Variants in VAV3 observed in about 807,000 individuals in gnomAD.
VAV3 encodes the protein guanine nucleotide exchange factor VAV3.
In VAV3, 94 loss-of-function variants were observed where a neutral mutation model predicts 131.2. That is an observed-to-expected ratio of 0.72 (90% CI 0.61 to 0.85). VAV3 has a LOEUF of 0.85. VAV3 is among the 40% of genes least tolerant of loss of function. The pLI is 0.00. For synonymous variants in VAV3, 349 were observed against 342.0 expected (o/e 1.02, Z -0.22); for missense variants, 939 against 1,002.7 (o/e 0.94, Z 0.86).
At chr1:107,896,333 C>A (rs142284611) in intron 1 of VAV3, among the ~76,000 whole-genome samples, 79 of 152,206 alleles carry the variant, frequency 5.2e-4, no homozygotes, top group African/African-American at 1.9e-3. Flanking sequence ...CCCACCCCAC[C>A]CAAGAGCTAT....
intron 2 of VAV3, among the ~76,000 whole-genome samples, chr1:107,857,549 A>T (rs1669530573): frequency 6.6e-6 from 1 of 152,236 alleles, no homozygotes; most frequent in African/African-American, 2.4e-5. Context: ...AATGGAGGAT[A>T]TGAAACATGG....
chr1:107,760,716 T>C (rs925953523), intron 10 of VAV3, 68 bp downstream of exon 10: 16 of 1,253,254 alleles, frequency 1.3e-5, no homozygotes, highest in Non-Finnish European at 1.8e-5. Flanking sequence ...TGCAATGTAG[T>C]TGATGCTTCA....
chr1:107,865,229 T>C (rs1167673301), intron 2 of VAV3, among the ~76,000 whole-genome samples: 2 of 152,148 alleles, frequency 1.3e-5, no homozygotes, highest in Admixed American at 6.5e-5. Context: ...TGTGTCAAGG[T>C]CCAATTTCTG....
chr1:107,922,762 C>T (rs914179890), intron 1 of VAV3, among the ~76,000 whole-genome samples: 3 of 151,238 alleles, frequency 2.0e-5, no homozygotes, highest in African/African-American at 7.3e-5. Context: ...ACCATCCTGG[C>T]TAACACAGTG....
intron 1 of VAV3, among the ~76,000 whole-genome samples, chr1:107,958,760 A>G (rs904083740): frequency 6.6e-6 from 1 of 151,980 alleles, no homozygotes; most frequent in Non-Finnish European, 1.5e-5. Flanking sequence ...TATTTCTCAT[A>G]ATGTTATCCC....
At chr1:107,669,014 A>G (rs1340200429) in intron 19 of VAV3, 2 of 1,047,334 alleles carry the variant, frequency 1.9e-6, no homozygotes, top group Non-Finnish European at 2.3e-6. Context: ...CGCTGACTAT[A>G]CAGAGAAAAA....
chr1:107,677,376 G>A (rs915359899), intron 19 of VAV3, among the ~76,000 whole-genome samples: 3 of 152,124 alleles, frequency 2.0e-5, no homozygotes, highest in Admixed American at 6.6e-5. Flanking sequence ...CCTAAGTGCT[G>A]AAAGAAAATC....
Position 107,896,804 on chromosome 1 carries a change from G to A in VAV3, c.205-21787C>T, listed in dbSNP as rs576398109. ...TTATACCACTTTTCAGACTTAAACT[G>A]TTTTTGTTATGTATTAGAGGGGAAA... On this transcript the variant is annotated intron_variant, in intron 1 of 26. Coordinates refer to ENST00000370056, the MANE Select transcript of VAV3 (RefSeq NM_006113.5). 1.1e-4 allele frequency among the ~76,000 whole-genome samples: 16 copies of A among 152,194 alleles called. No individual in the cohort carries two copies. In the East Asian group the frequency reaches 3.1e-3, roughly 29 times the overall value.
At chr1:107,895,830 C>G (rs1671543549) in intron 1 of VAV3, among the ~76,000 whole-genome samples, 1 of 152,038 alleles carries the variant, frequency 6.6e-6, no homozygotes, top group Admixed American at 6.5e-5. Flanking sequence ...AAATTTTATA[C>G]TTAATAAACA....
intron 1 of VAV3, among the ~76,000 whole-genome samples, chr1:107,890,561 T>C (rs1396810419): frequency 6.6e-6 from 1 of 152,168 alleles, no homozygotes; most frequent in Admixed American, 6.5e-5. Context: ...AATAGTGAAT[T>C]AACAGTGTTT....
At chr1:107,798,543 C>A (rs1358787999) in intron 2 of VAV3, among the ~76,000 whole-genome samples, 3 of 151,768 alleles carry the variant, frequency 2.0e-5, no homozygotes, top group Admixed American at 6.6e-5. Flanking sequence ...ACAGTGTAAA[C>A]CTCATCTCTA....
intron 2 of VAV3, among the ~76,000 whole-genome samples, chr1:107,812,085 G>A (rs956966603): frequency 1.3e-5 from 2 of 152,084 alleles, no homozygotes; most frequent in African/African-American, 4.8e-5. Context: ...GAAAATTTAG[G>A]CTTAAAAAAG....
intron 3 of VAV3, 26 bp from the exon 4 acceptor site, chr1:107,777,322 C>CA: frequency 4.4e-6 from 7 of 1,604,606 alleles, no homozygotes; most frequent in Middle Eastern, 3.3e-4. Flanking sequence ...AAAACAAAAA[C>CA]AAAAAAACAA....
chr1:107,574,376 C>T (rs1249047583), intron 25 of VAV3, among the ~76,000 whole-genome samples, 178 bp from the exon 26 acceptor site: 1 of 152,174 alleles, frequency 6.6e-6, no homozygotes, highest in Admixed American at 6.5e-5. Flanking sequence ...CAATCAGGTG[C>T]AAGCAAATTC....
intron 15 of VAV3, among the ~76,000 whole-genome samples, chr1:107,713,080 C>A (rs1660881804): frequency 6.6e-6 from 1 of 152,124 alleles, no homozygotes; most frequent in African/African-American, 2.4e-5. Context: ...AAGACTTATA[C>A]TATCTATTTG....
chr1:107,841,497 G>A (rs1335904931), intron 2 of VAV3, among the ~76,000 whole-genome samples: 1 of 152,078 alleles, frequency 6.6e-6, no homozygotes, highest in Non-Finnish European at 1.5e-5. Flanking sequence ...AAGGAGGTGA[G>A]AAAACAATCT....
At chr1:107,773,737 G>T (rs143329766) in intron 4 of VAV3, among the ~76,000 whole-genome samples, 79 of 152,290 alleles carry the variant, frequency 5.2e-4, no homozygotes, top group African/African-American at 1.8e-3. Flanking sequence ...GGTTTAGGCG[G>T]CAATCTGGCC....
chr1:107,645,333 T>G (rs78982534), intron 19 of VAV3, among the ~76,000 whole-genome samples: 1 of 151,962 alleles, frequency 6.6e-6, no homozygotes, highest in Non-Finnish European at 1.5e-5. Flanking sequence ...TTTTTTTTTT[T>G]TTGGTCATTT....
chr1:107,748,099 C>A (rs116736433), intron 15 of VAV3, among the ~76,000 whole-genome samples: 3,337 of 152,190 alleles, frequency 0.022, 118 homozygotes, highest in African/African-American at 0.076. Flanking sequence ...ACATCCTATT[C>A]CTACCTCTAG....
Sources: gnomAD v4.1 joint callset for allele counts (sites outside exome capture counted in the v4.1 genomes callset) on GRCh38, gnomAD v4.1.1 for gene constraint, MANE v1.5 for transcripts, NCBI Gene and HGNC (gene_info 2026-07-23, HGNC 2026-07-21) for gene names.